The following PBX1 variants were observed in gnomAD, a reference collection of about 807,000 sequenced individuals.
The protein encoded by PBX1 is pre-B-cell leukemia transcription factor 1.
In PBX1, 6 loss-of-function variants were observed where a neutral mutation model predicts 53.4. The observed-to-expected ratio is 0.11, with a 90% CI of 0.06 to 0.22. The LOEUF (loss-of-function observed/expected upper bound fraction) is 0.22, where lower values mean the gene tolerates loss of function less well. PBX1 is among the 10% of genes least tolerant of loss of function. PBX1 has a pLI of 1.00. For synonymous variants in PBX1, 204 were observed against 212.3 expected (o/e 0.96, Z 0.34); for missense variants, 251 against 551.4 (o/e 0.46, Z 5.46).
At chr1:164,600,734 T>C (rs1462875984) in intron 2 of PBX1, among the ~76,000 whole-genome samples, 2 of 152,200 alleles carry the variant, frequency 1.3e-5, no homozygotes, top group African/African-American at 4.8e-5. Flanking sequence ...GGCCTGTTAG[T>C]TTATTTACTG....
chr1:164,680,530 T>C (rs1232973354), intron 2 of PBX1: 1 of 152,250 alleles, frequency 6.6e-6, no homozygotes, highest in African/African-American at 2.4e-5. Flanking sequence ...CTACAATGAC[T>C]GCTACAGGGC....
chr1:164,767,872 G>A lies in PBX1; in HGVS notation c.266-24622G>A, dbSNP rs373031413. On this transcript the variant is annotated intron_variant, in intron 2 of 8. Transcript: ENST00000420696. ...GGACAATTAAGCAAAACATGAAATT[G>A]CAACTAAAAACCACAGGGTATTTAA... is the stretch of plus-strand genomic sequence containing the variant. Among the ~76,000 whole-genome samples the A allele has an allele frequency of 7.9e-5, 12 of 152,234 alleles. No homozygotes were observed. In the South Asian group the frequency reaches 2.5e-3, roughly 32 times the overall value.
intron 2 of PBX1, among the ~76,000 whole-genome samples, chr1:164,763,655 T>C (rs1490937991): frequency 6.6e-6 from 1 of 152,222 alleles, no homozygotes; most frequent in African/African-American, 2.4e-5. Flanking sequence ...ATAGGTGTCA[T>C]GTTATACTAG....
At chr1:164,564,599 A>T in intron 2 of PBX1, among the ~76,000 whole-genome samples, 1 of 152,148 alleles carries the variant, frequency 6.6e-6, no homozygotes, top group East Asian at 1.9e-4. Flanking sequence ...TAGACAAAGC[A>T]CCTGAGAAGT....
rs147743871 is a variant in PBX1 at position 164,708,003 on chromosome 1, C to G, written c.266-84491C>G. On this transcript the variant is annotated intron_variant, in intron 2 of 8. Transcript: ENST00000420696. ...TAGACTTCAAGTGGCTTTGCCGGAG[C>G]ATGACTTACAGCAGATTTGATGGCC... is the stretch of plus-strand genomic sequence containing the variant. Among the ~76,000 whole-genome samples the G allele has an allele frequency of 1.6e-3, 238 of 152,328 alleles. 1 individual carries two copies. Among genetic ancestry groups the G allele is most frequent in the Non-Finnish European group, 2.5e-3 (169 of 68,040 alleles).
intron 8 of PBX1, among the ~76,000 whole-genome samples, chr1:164,825,916 A>G (rs1317357892): frequency 6.6e-6 from 1 of 152,042 alleles, no homozygotes; most frequent in Non-Finnish European, 1.5e-5. Context: ...GCAACATAAC[A>G]TTGTTGTAAC....
At chr1:164,814,335 G>C (rs1041594715) in intron 6 of PBX1, 1 of 152,212 alleles carries the variant, frequency 6.6e-6, no homozygotes, top group East Asian at 1.9e-4. Flanking sequence ...TATTTTGGCA[G>C]AGTTTGAAGT....
At chr1:164,563,964 C>G (rs1025394314) in intron 2 of PBX1, 1 of 152,078 alleles carries the variant, frequency 6.6e-6, no homozygotes, top group Non-Finnish European at 1.5e-5. Flanking sequence ...ATAACACATC[C>G]CAGGAGGGCA....
intron 2 of PBX1, among the ~76,000 whole-genome samples, chr1:164,568,122 C>A (rs1329078495): frequency 1.3e-5 from 2 of 152,042 alleles, no homozygotes; most frequent in Admixed American, 6.5e-5. Flanking sequence ...TAAAAATACC[C>A]CCAAACGAGC....
At chr1:164,784,061 G>A (rs1233584511) in intron 2 of PBX1, among the ~76,000 whole-genome samples, 1 of 152,198 alleles carries the variant, frequency 6.6e-6, no homozygotes, top group Non-Finnish European at 1.5e-5. Context: ...TAACTAAGAA[G>A]GAAACTGTTC....
At chr1:164,799,320 C>T (rs887803688) in intron 3 of PBX1, among the ~76,000 whole-genome samples, 2 of 151,980 alleles carry the variant, frequency 1.3e-5, no homozygotes, top group African/African-American at 4.8e-5. Context: ...GAAACCCCGT[C>T]TCTACTAAAA....
Position 164,559,930 on chromosome 1 carries a change from G to T in PBX1, c.108G>T (p.Glu36Asp). The T allele has an allele frequency of 6.5e-7, 1 of 1,548,544 alleles. No homozygotes were observed. Among genetic ancestry groups the T allele is most frequent in the Non-Finnish European group, 8.7e-7 (1 of 1,145,470 alleles). Reference sequence around the variant, plus strand: ...ATGGGGCCGGAGGGACCGAGGGGGAGGGCGGGAGGAAGCAGGACATTGGAG... The same window carrying T: ...ATGGGGCCGGAGGGACCGAGGGGGATGGCGGGAGGAAGCAGGACATTGGAG... ...LQDGAGGTEG[E>D]GGRKQDIGDI... is the part of the protein sequence containing the mutation. The change falls in exon 1 of 9, where the codon GAG becomes GAT. Residue 36 changes from glutamate (E) to aspartate (D), a missense_variant. This residue lies in a region of PBX1 where 63 missense variants were observed against 78.7 expected (regional missense o/e 0.80). Transcript: ENST00000420696.
intron 2 of PBX1, among the ~76,000 whole-genome samples, chr1:164,569,564 A>ATTTTTTTTTT (rs71097535): frequency 1.3e-5 from 1 of 78,186 alleles, no homozygotes; most frequent in African/African-American, 5.5e-5. Flanking sequence ...TTTTCCTTGC[A>ATTTTTTTTTT]TTTTTTTTTT....
intron 2 of PBX1, among the ~76,000 whole-genome samples, chr1:164,727,090 T>C (rs1664738594): frequency 6.6e-6 from 1 of 151,638 alleles, no homozygotes; most frequent in African/African-American, 2.4e-5. Flanking sequence ...AGCTTTGTCT[T>C]TTATTAAGTT....
chr1:164,725,038 C>G (rs1250122567), intron 2 of PBX1, among the ~76,000 whole-genome samples: 3 of 152,096 alleles, frequency 2.0e-5, no homozygotes, highest in Non-Finnish European at 2.9e-5. Context: ...AGAGGAATCT[C>G]TGGGTTAGCT....
intron 2 of PBX1, among the ~76,000 whole-genome samples, chr1:164,662,342 A>G (rs1660537675): frequency 6.6e-6 from 1 of 151,938 alleles, no homozygotes; most frequent in Admixed American, 6.6e-5. Context: ...ACAAACAAAA[A>G]CTTCTTTAGT....
At chr1:164,780,074 C>T (rs1667855696) in intron 2 of PBX1, among the ~76,000 whole-genome samples, 2 of 152,134 alleles carry the variant, frequency 1.3e-5, no homozygotes, top group Admixed American at 1.3e-4. Context: ...TTCATGATGA[C>T]CACTGTATCT....
chr1:164,849,368 A>G lies in PBX1; in HGVS notation c.*2692A>G, dbSNP rs571027024. 2.0e-6 allele frequency: 3 copies of G among 1,535,676 alleles called. No homozygotes were observed. Among genetic ancestry groups the G allele is most frequent in the African/African-American group, 2.7e-5 (2 of 73,136 alleles). On this transcript the variant is annotated 3_prime_UTR_variant, in exon 9 of 9. Transcript: ENST00000420696. ...CTCCCCCGGCACCCCCGGCAAGCCCACTATCACTTCCGACTTCCAACGTGG... is the reference window on the plus strand; with the variant it reads ...CTCCCCCGGCACCCCCGGCAAGCCCGCTATCACTTCCGACTTCCAACGTGG...
At chr1:164,870,269 CTTTCTTTCTTTCTTTCTTTCTTTCTT>C (rs1672331436) in intron 2 of PBX1, among the ~76,000 whole-genome samples, 2 of 15,350 alleles carry the variant, frequency 1.3e-4, no homozygotes, top group African/African-American at 4.6e-4. Context: ...TTCCTTCCTT[CTTTCTTTCTTTCTTTCTTTCTTTCTT>C]TCTTTCTTTC....
Sources: allele counts gnomAD v4.1 joint callset (sites outside exome capture counted in the v4.1 genomes callset), GRCh38; gene constraint gnomAD v4.1.1; regional missense constraint gnomAD v4.1.1; transcripts MANE v1.5; gene names NCBI Gene and HGNC (gene_info 2026-07-23, HGNC 2026-07-21).